The following GRIN3A variants were observed in gnomAD, a reference collection of about 807,000 sequenced individuals.
GRIN3A encodes glutamate receptor ionotropic, NMDA 3A.
GRIN3A carries 47 observed loss-of-function variants against 92.4 expected under a neutral mutation model. The observed-to-expected ratio is 0.51, with a 90% CI of 0.40 to 0.65. The LOEUF (loss-of-function observed/expected upper bound fraction) is 0.65, where lower values mean the gene tolerates loss of function less well. Ranked by LOEUF, GRIN3A falls within the 30% of genes least tolerant of loss-of-function variation. The pLI, the probability that GRIN3A is intolerant of heterozygous loss-of-function variation, is 0.00. For synonymous variants in GRIN3A, 527 were observed against 540.6 expected (o/e 0.97, Z 0.35); for missense variants, 1,324 against 1,393.1 (o/e 0.95, Z 0.79).
At chr9:101,662,901 A>G (rs1248051901) in intron 3 of GRIN3A, among the ~76,000 whole-genome samples, 2 of 151,770 alleles carry the variant, frequency 1.3e-5, no homozygotes, top group African/African-American at 4.8e-5. Flanking sequence ...TATGTTTTCT[A>G]TTTGGAAGTA....
chr9:101,703,482 CT>C (rs1385827390), intron 1 of GRIN3A, among the ~76,000 whole-genome samples: 39 of 152,332 alleles, frequency 2.6e-4, no homozygotes, highest in African/African-American at 8.9e-4. Flanking sequence ...TTTTATGACA[CT>C]ATTTTATCTT....
Position 101,670,228 on chromosome 9 carries a change from A to C in GRIN3A, c.2184T>G (p.Phe728Leu), listed in dbSNP as rs765454159. The change falls in exon 3 of 9, where the codon TTT (phenylalanine) becomes TTG (leucine). Residue 728 changes from phenylalanine (F) to leucine (L), a missense_variant. Coordinates refer to ENST00000361820, the MANE Select transcript of GRIN3A (RefSeq NM_133445.3). ...SALNICYALL[F>L]GRTVAIKPPK... is the part of the protein sequence containing the mutation. ...GAGGTTTGATGGCCACTGTTCTGCC[A>C]AACAAGAGGGCATAACAGATGTTCA... 3 of 1,614,094 alleles carry C rather than the reference A, an allele frequency of 1.9e-6. No individual in the cohort carries two copies. The highest frequency in any genetic ancestry group is 1.7e-6 in the Non-Finnish European group (2 of 1,179,960).
chr9:101,579,792 G>A (rs1047830629), intron 6 of GRIN3A, among the ~76,000 whole-genome samples: 37 of 152,052 alleles, frequency 2.4e-4, no homozygotes, highest in African/African-American at 5.3e-4. Flanking sequence ...ACAAGAAACC[G>A]ATAACTCATT....
At chr9:101,718,560 C>A (rs192430292) in intron 1 of GRIN3A, among the ~76,000 whole-genome samples, 8 of 152,162 alleles carry the variant, frequency 5.3e-5, no homozygotes. Context: ...CTACGCTAAG[C>A]TGCTTAGAAT....
intron 1 of GRIN3A, among the ~76,000 whole-genome samples, chr9:101,724,592 C>T (rs1219137268): frequency 1.3e-5 from 2 of 152,206 alleles, no homozygotes; most frequent in African/African-American, 2.4e-5. Flanking sequence ...CCACAAGTGC[C>T]GCCAAAGTGG....
intron 6 of GRIN3A, among the ~76,000 whole-genome samples, 157 bp downstream of exon 6, chr9:101,613,219 G>A (rs1376371299): frequency 6.6e-6 from 1 of 152,172 alleles, no homozygotes; most frequent in African/African-American, 2.4e-5. Context: ...CTATAGGAAT[G>A]GACGCTTTTT....
chr9:101,690,403 G>T (rs1168077526), intron 1 of GRIN3A, among the ~76,000 whole-genome samples: 1 of 152,062 alleles, frequency 6.6e-6, no homozygotes, highest in East Asian at 1.9e-4. Context: ...TCATAATCTG[G>T]TTAGACATTG....
At chr9:101,711,255 AT>A (rs1428191221) in intron 1 of GRIN3A, among the ~76,000 whole-genome samples, 28 of 152,270 alleles carry the variant, frequency 1.8e-4, no homozygotes, top group African/African-American at 6.3e-4. Flanking sequence ...CTATGGTTGG[AT>A]GTCAGGGGCA....
chr9:101,640,850 G>A (rs1367387370), intron 3 of GRIN3A, among the ~76,000 whole-genome samples: 1 of 152,094 alleles, frequency 6.6e-6, no homozygotes, highest in Non-Finnish European at 1.5e-5. Context: ...ATGAGTGTGA[G>A]GCCTTTCCAG....
chr9:101,732,460 C>G (rs974331522), intron 1 of GRIN3A, among the ~76,000 whole-genome samples: 1 of 152,120 alleles, frequency 6.6e-6, no homozygotes, highest in Non-Finnish European at 1.5e-5. Flanking sequence ...GTTAGATGTG[C>G]CATAGGTTAA....
intron 1 of GRIN3A, among the ~76,000 whole-genome samples, chr9:101,701,412 A>G (rs1205249081): frequency 6.6e-6 from 1 of 152,014 alleles, no homozygotes; most frequent in Non-Finnish European, 1.5e-5. Flanking sequence ...GTTCCCCTCT[A>G]TGTGTCCATG....
intron 3 of GRIN3A, among the ~76,000 whole-genome samples, chr9:101,641,944 G>C (rs1328460889): frequency 6.6e-6 from 1 of 152,086 alleles, no homozygotes; most frequent in Non-Finnish European, 1.5e-5. Context: ...ATCATCATCT[G>C]TTACAGCAGT....
At chr9:101,659,112 T>C (rs1414243626) in intron 3 of GRIN3A, among the ~76,000 whole-genome samples, 1 of 151,858 alleles carries the variant, frequency 6.6e-6, no homozygotes, top group Non-Finnish European at 1.5e-5. Flanking sequence ...AGATAAATAT[T>C]TATTGAGCAT....
At chr9:101,602,063 A>G (rs1302061474) in intron 6 of GRIN3A, among the ~76,000 whole-genome samples, 1 of 152,128 alleles carries the variant, frequency 6.6e-6, no homozygotes, top group African/African-American at 2.4e-5. Context: ...CTGGCCAGCT[A>G]GCCCTAAGCT....
At chr9:101,643,684 C>CAA (rs1491112831) in intron 3 of GRIN3A, among the ~76,000 whole-genome samples, 9 of 150,354 alleles carry the variant, frequency 6.0e-5, no homozygotes, top group African/African-American at 2.2e-4. Flanking sequence ...CTCTCTCTCT[C>CAA]ACACACACAC....
chr9:101,642,789 G>A (rs1213308872), intron 3 of GRIN3A, among the ~76,000 whole-genome samples: 21 of 152,106 alleles, frequency 1.4e-4, no homozygotes, highest in Admixed American at 4.6e-4. Flanking sequence ...TGAACCCCAC[G>A]TGCGAGGGAT....
rs1480243298 is a variant in GRIN3A, at chr9:101,594,571, C to T, written c.2767-15211G>A. The T allele has an allele frequency of 1.9e-6, 3 of 1,614,214 alleles. No individual in the cohort carries two copies. The South Asian group carries it at 3.3e-5, about 18-fold the overall frequency. On this transcript the variant is annotated intron_variant, in intron 6 of 8. Transcript: ENST00000361820. ...CCGTCAGGTTGTTGCCCACCATCAT[C>T]TTCAGCACCTGGAAGAGCTCCCCGT...
intron 6 of GRIN3A, among the ~76,000 whole-genome samples, chr9:101,597,696 C>CA (rs1257162902): frequency 6.6e-6 from 1 of 151,960 alleles, no homozygotes; most frequent in African/African-American, 2.4e-5. Flanking sequence ...CAAACAACAT[C>CA]AAAAAAATAG....
chr9:101,687,194 G>A lies in GRIN3A; in HGVS notation c.706C>T (p.Leu236Phe), dbSNP rs1375605897. ...HEFPRESQNP[L>F]HLQLSLENSL... ...TTTTCTAAACTCAGTTGTAGGTGAA[G>A]GGGATTCTGTATTTAAAGATATGAA... Residue 236 changes from leucine (L) to phenylalanine (F), a missense_variant, in exon 2 of 9, where the codon CTT (leucine) becomes TTT (phenylalanine). Physicochemically the swap from Leu to Phe is conservative, Grantham distance 22. Coordinates refer to ENST00000361820, the MANE Select transcript of GRIN3A (RefSeq NM_133445.3). 2 of 1,613,804 alleles carry A rather than the reference G, an allele frequency of 1.2e-6. No homozygotes were observed. The highest frequency in any genetic ancestry group is 1.7e-6 in the Non-Finnish European group (2 of 1,179,770).
Sources: allele counts gnomAD v4.1 joint callset (sites outside exome capture counted in the v4.1 genomes callset), GRCh38; gene constraint gnomAD v4.1.1; transcripts MANE v1.5; gene names NCBI Gene and HGNC (gene_info 2026-07-23, HGNC 2026-07-21).